Variants in DDX17 observed in about 807,000 individuals in gnomAD.
DDX17 encodes the protein DEAD-box helicase 17.
Under a neutral mutation model 80.8 loss-of-function variants are expected in DDX17, and 10 were observed. The ratio of observed to expected loss-of-function variants is 0.12; its 90% CI spans 0.08 to 0.21. The LOEUF is 0.21. Ranked by LOEUF, DDX17 falls within the 10% of genes least tolerant of loss-of-function variation. DDX17 has a pLI of 1.00. For synonymous variants in DDX17, 339 were observed against 336.2 expected, an observed-to-expected ratio of 1.01 and a Z score of -0.09; for missense variants, 586 against 957.4, an observed-to-expected ratio of 0.61 and a Z score of 5.12.
chr22:38,494,039 C>A lies in DDX17; in HGVS notation c.1307G>T (p.Arg436Leu). 1 of 1,613,708 alleles carries A rather than the reference C, an allele frequency of 6.2e-7. No individual in the cohort carries two copies. ...TACTCACCCATCTCTGCGCATCCTT[C>A]GAGTCAGATCATCACAGCGTCTCTT... Residue 436 changes from arginine to leucine, a missense_variant, in exon 9 of 13, where the codon CGA becomes CTA. Arg to Leu is a moderately radical substitution (Grantham distance 102). This residue lies in a region of DDX17 where 141 missense variants were observed against 379.3 expected (regional missense o/e 0.37). Coordinates refer to ENST00000403230, the MANE Select transcript of DDX17 (RefSeq NM_006386.5).
At chr22:38,496,435 C>T (rs1292718998) in intron 5 of DDX17, among the ~76,000 whole-genome samples, 1 of 152,194 alleles carries the variant, frequency 6.6e-6, no homozygotes, top group African/African-American at 2.4e-5. Context: ...GTAACCTCTG[C>T]TTCCTGGGTT....
rs1409949309 is a variant in DDX17 at position 38,499,428 on chromosome 22, C to T, written c.510G>A (p.Val170=). ...GGAAGTTAGCATGATGGAAGGCAAA[C>T]ACGGGTTTAGGACAAACATCTCCCC... Residue 170 remains valine, a synonymous_variant, in exon 3 of 13, where the codon GTG becomes GTA. Coordinates refer to ENST00000403230, the MANE Select transcript of DDX17 (RefSeq NM_006386.5). The T allele has an allele frequency of 1.2e-6, 2 of 1,613,924 alleles. No homozygotes were observed. Among genetic ancestry groups the T allele is most frequent in the Admixed American group, 3.3e-5 (2 of 59,990 alleles).
At chr22:38,496,032 C>A in intron 5 of DDX17, 95 bp from the exon 6 acceptor site, 1 of 1,174,542 alleles carries the variant, frequency 8.5e-7, no homozygotes, top group Non-Finnish European at 1.1e-6. Flanking sequence ...TAATTTAATT[C>A]TTTGCTGTCT....
rs982031917 is a variant in DDX17 at position 38,486,073 on chromosome 22, C to A, written c.2052G>T (p.Arg684=). ...TCAGTGGCTGTGGCTGCTGCCCAGA[C>A]CGGCCTATCCCACTAAACTGCTGGC... The change falls in exon 13 of 13, where the codon CGG becomes CGT. Residue 684 remains arginine (R), a synonymous_variant. Coordinates refer to ENST00000403230, the MANE Select transcript of DDX17 (RefSeq NM_006386.5). 1 of 1,614,080 alleles carries A rather than the reference C, an allele frequency of 6.2e-7. No individual in the cohort carries two copies. Among genetic ancestry groups the A allele is most frequent in the South Asian group, 1.1e-5 (1 of 91,078 alleles).
chr22:38,496,223 A>C (rs1378197768), intron 5 of DDX17, among the ~76,000 whole-genome samples: 1 of 152,102 alleles, frequency 6.6e-6, no homozygotes, highest in African/African-American at 2.4e-5. Flanking sequence ...TTAAGTGGAG[A>C]TATAGATTGT....
At chr22:38,493,596 T>A (rs1387337354) in intron 10 of DDX17, 114 bp downstream of exon 10, 2 of 807,874 alleles carry the variant, frequency 2.5e-6, no homozygotes, top group African/African-American at 1.7e-5. Context: ...AAGCCAAGCA[T>A]ACTTACTATG....
intron 10 of DDX17, 121 bp downstream of exon 10, chr22:38,493,589 C>G: frequency 1.3e-6 from 1 of 765,490 alleles, no homozygotes; most frequent in South Asian, 1.7e-5. Flanking sequence ...GTTTACAAAG[C>G]CAAGCATACT....
In DDX17 at chr22:38,484,092, GA is replaced by G. The variant is rs5845381; in HGVS notation, c.*1842del. On this transcript the variant is annotated 3_prime_UTR_variant, in exon 13 of 13. Transcript: ENST00000403230. ...TTTAAAGAAAGAAGAAAAAAACCCAGAATTTGGTTGTAGAAAACAATGCCCA... is the reference window on the plus strand; with the variant it reads ...TTTAAAGAAAGAAGAAAAAAACCCAGATTTGGTTGTAGAAAACAATGCCCA... 38,190 of 152,332 alleles carry G rather than the reference GA, an allele frequency of 0.25. 5,403 individuals are homozygous for G. Among genetic ancestry groups the G allele is most frequent in the East Asian group, 0.36 (1,857 of 5,152 alleles). The allele number at this position is 152,332 out of a possible 1,614,324, so 9.4% of individuals were successfully genotyped here.
chr22:38,501,374 A>C, intron 1 of DDX17, 94 bp from the exon 2 acceptor site: 1 of 1,404,094 alleles, frequency 7.1e-7, no homozygotes, highest in Non-Finnish European at 9.4e-7. Flanking sequence ...AGTTCTAGGG[A>C]TACTACCAGC....
At position 38,498,566 on chromosome 22, in the gene DDX17, T is replaced by G. The variant is rs1261849399; in HGVS notation, c.546A>C (p.Val182=). The change falls in exon 4 of 13, where the codon GTA becomes GTC. Residue 182 remains valine, a synonymous_variant. Transcript: ENST00000403230. ...AGTGCTGATCCATCAACACATCCATTACATATTCTGTAAGAGAATTTTATT... is the reference window on the plus strand; with the variant it reads ...AGTGCTGATCCATCAACACATCCATGACATATTCTGTAAGAGAATTTTATT... The G allele has an allele frequency of 6.2e-7, 1 of 1,614,014 alleles. No homozygotes were observed. Among genetic ancestry groups the G allele is most frequent in the East Asian group, 2.2e-5 (1 of 44,884 alleles).
rs1183899974 is a variant in DDX17 at position 38,485,887 on chromosome 22, C to T, written c.*48G>A. On this transcript the variant is annotated 3_prime_UTR_variant, in exon 13 of 13. Transcript: ENST00000403230. Reference sequence around the variant, plus strand: ...GGAAAAAAAAAGGAAAGACAGTGTTCCTTAAAATGTAATTAAGTCTGCTGG... The same window carrying T: ...GGAAAAAAAAAGGAAAGACAGTGTTTCTTAAAATGTAATTAAGTCTGCTGG... The T allele has an allele frequency of 8.3e-6, 13 of 1,574,966 alleles. No homozygotes were observed. The highest frequency in any genetic ancestry group is 2.3e-5 in the South Asian group (2 of 86,450).
rs755634535 is a variant in DDX17, at chr22:38,495,928, G to T, written c.748C>A (p.Leu250Met). 1 of 1,512,078 alleles carries T rather than the reference G, an allele frequency of 6.6e-7. No homozygotes were observed. The highest frequency in any genetic ancestry group is 1.2e-5 in the South Asian group (1 of 81,834). 93.7% of individuals were successfully genotyped at this position (1,512,078 alleles called of 1,614,324 possible). ...TGGGCAAGCTCTCTGGTAGGAGCCA[G>T]AACTAGACACTGAAACCAACAAAAA... The change falls in exon 6 of 13, where the codon CTG becomes ATG. Residue 250 changes from leucine to methionine, a missense_variant. By Grantham distance (15) the Leu-to-Met change is conservative. Transcript: ENST00000403230.
intron 1 of DDX17, chr22:38,505,593 C>CCGGG: frequency 4.1e-6 from 1 of 241,226 alleles, no homozygotes; most frequent in East Asian, 8.7e-5. Flanking sequence ...ATCGAACAGC[C>CCGGG]CGCCCGAAGC....
chr22:38,504,781 T>C (rs1292289241), intron 1 of DDX17, among the ~76,000 whole-genome samples: 2 of 152,196 alleles, frequency 1.3e-5, no homozygotes, highest in African/African-American at 4.8e-5. Context: ...CCATTATCTC[T>C]TAATTCCTGA....
At position 38,489,721 on chromosome 22, in the gene DDX17, A is replaced by C; in HGVS notation, c.1448-1606T>G. On this transcript the variant is annotated intron_variant, in intron 11 of 12. Transcript: ENST00000403230. The surrounding 1 kb of genome is among the most constrained non-coding windows in gnomAD (Gnocchi z 4.6). ...GGCTCCTCGGTCTTTACTGACCCCTAAAGTCCTGAATCACACCAGAAAGAC... is the reference window on the plus strand; with the variant it reads ...GGCTCCTCGGTCTTTACTGACCCCTCAAGTCCTGAATCACACCAGAAAGAC... 1 of 985,334 alleles carries C rather than the reference A, an allele frequency of 1.0e-6. No homozygotes were observed. 61.0% of individuals were successfully genotyped at this position (985,334 alleles called of 1,614,324 possible). A position where few individuals can be genotyped will look rare whatever the true frequency, so the allele number is the denominator to read the frequency against.
At position 38,483,683 on chromosome 22, in the gene DDX17, G is replaced by A. The variant is rs1043402; in HGVS notation, c.*2252C>T. 0.27 allele frequency: 41,281 copies of A among 152,402 alleles called. 5,885 individuals carry two copies. Among genetic ancestry groups the A allele is most frequent in the East Asian group, 0.36 (1,856 of 5,148 alleles). 9.4% of individuals were successfully genotyped at this position (152,402 alleles called of 1,614,324 possible). On this transcript the variant is annotated 3_prime_UTR_variant, in exon 13 of 13. Coordinates refer to ENST00000403230, the MANE Select transcript of DDX17 (RefSeq NM_006386.5). Reference sequence around the variant, plus strand: ...CTTTTAGATGAGAAGTCCACACAACGAATTGTTAGGGAGGATTGGGGAGAA... The same window carrying A: ...CTTTTAGATGAGAAGTCCACACAACAAATTGTTAGGGAGGATTGGGGAGAA...
intron 2 of DDX17, 115 bp from the exon 3 acceptor site, chr22:38,499,614 T>C (rs1005215686): frequency 4.5e-5 from 35 of 780,462 alleles, no homozygotes; most frequent in African/African-American, 4.5e-4. Context: ...AAATATTTAA[T>C]AGTTTACATG....
At chr22:38,492,178 A>C (rs1208399820) in intron 10 of DDX17, 63 bp from the exon 11 acceptor site, 1 of 1,382,142 alleles carries the variant, frequency 7.2e-7, no homozygotes, top group East Asian at 2.4e-5. Flanking sequence ...CTGTTTACAT[A>C]ACCATGTTAA....
chr22:38,493,002 G>A (rs537324032), intron 10 of DDX17, among the ~76,000 whole-genome samples: 1 of 152,238 alleles, frequency 6.6e-6, no homozygotes, highest in South Asian at 2.1e-4. Context: ...TTAATAAAGG[G>A]AGGGTGGTGA....
Sources: gnomAD v4.1 joint callset for allele counts (sites outside exome capture counted in the v4.1 genomes callset) on GRCh38, gnomAD v4.1.1 for gene constraint, gnomAD v4.1.1 regional missense constraint, Gnocchi (gnomAD v3.1) non-coding constraint, MANE v1.5 for transcripts, NCBI Gene and HGNC (gene_info 2026-07-23, HGNC 2026-07-21) for gene names.